GRIA4: variants seen among roughly 807,000 people sequenced by gnomAD.
GRIA4 encodes the protein glutamate ionotropic receptor AMPA type subunit 4.
A neutral mutation model predicts 104.0 loss-of-function variants in GRIA4; 34 were observed. That is an observed-to-expected ratio of 0.33 (90% CI 0.25 to 0.44). The LOEUF is 0.44. Ranked by LOEUF, GRIA4 falls within the 20% of genes least tolerant of loss-of-function variation. GRIA4 has a pLI of 1.00. For missense variants in GRIA4, 750 were observed against 1,096.5 expected (o/e 0.68, Z 4.46); for synonymous variants, 386 against 381.9 (o/e 1.01, Z -0.13).
chr11:105,773,527 T>C (rs1365897050), intron 4 of GRIA4, among the ~76,000 whole-genome samples: 1 of 151,830 alleles, frequency 6.6e-6, no homozygotes, highest in East Asian at 1.9e-4. Flanking sequence ...TATACAGGAG[T>C]ATCATTAGAA....
At chr11:105,704,102 A>T (rs955816263) in intron 3 of GRIA4, among the ~76,000 whole-genome samples, 5 of 152,074 alleles carry the variant, frequency 3.3e-5, no homozygotes, top group African/African-American at 1.2e-4. Context: ...TCTTCATTCA[A>T]TGAGGGCCTA....
At chr11:105,884,054 AG>A (rs1168531342) in intron 5 of GRIA4, among the ~76,000 whole-genome samples, 18 of 152,338 alleles carry the variant, frequency 1.2e-4, no homozygotes, top group Admixed American at 1.2e-3. Context: ...ATCATTAAAA[AG>A]TCAGGAAGCA....
chr11:105,888,078 C>T (rs541279389), intron 6 of GRIA4, among the ~76,000 whole-genome samples: 1 of 152,046 alleles, frequency 6.6e-6, no homozygotes, highest in Non-Finnish European at 1.5e-5. Context: ...TTATGAAATT[C>T]TTAAAGGTCT....
At chr11:105,955,373 G>A (rs1056092100) in intron 14 of GRIA4, among the ~76,000 whole-genome samples, 13 of 152,176 alleles carry the variant, frequency 8.5e-5, no homozygotes, top group East Asian at 1.9e-4. Flanking sequence ...AACATGTGGT[G>A]TTTTGTTTTC....
At chr11:105,641,136 G>A (rs1051708480) in intron 3 of GRIA4, among the ~76,000 whole-genome samples, 1 of 151,994 alleles carries the variant, frequency 6.6e-6, no homozygotes, top group African/African-American at 2.4e-5. Context: ...AAATAAAATA[G>A]AGCTTTCATT....
intron 4 of GRIA4, among the ~76,000 whole-genome samples, chr11:105,840,582 G>A (rs1944355353): frequency 6.6e-6 from 1 of 152,170 alleles, no homozygotes; most frequent in African/African-American, 2.4e-5. Flanking sequence ...TAATATTGGT[G>A]GCACAGTGCC....
chr11:105,729,087 C>T (rs1452834174), intron 3 of GRIA4, among the ~76,000 whole-genome samples: 2 of 151,586 alleles, frequency 1.3e-5, no homozygotes, highest in Non-Finnish European at 2.9e-5. Context: ...AAAAGACTAA[C>T]AAAATTGATA....
At chr11:105,954,377 A>G (rs1948531795) in intron 14 of GRIA4, among the ~76,000 whole-genome samples, 2 of 152,332 alleles carry the variant, frequency 1.3e-5, no homozygotes, top group South Asian at 4.1e-4. Context: ...TTACAAAATA[A>G]CTGAAAGCTT....
chr11:105,786,227 C>T (rs567919846), intron 4 of GRIA4, among the ~76,000 whole-genome samples: 2 of 149,800 alleles, frequency 1.3e-5, no homozygotes, highest in South Asian at 4.3e-4. Flanking sequence ...TGTAAAATAT[C>T]TATGCCCACA....
At chr11:105,964,089 CT>C (rs1208441600) in intron 14 of GRIA4, among the ~76,000 whole-genome samples, 1 of 151,904 alleles carries the variant, frequency 6.6e-6, no homozygotes, top group Non-Finnish European at 1.5e-5. Context: ...AAAACAATTC[CT>C]TTTTTCCCAG....
chr11:105,910,693 T>C (rs377496739), intron 10 of GRIA4, 148 bp downstream of exon 10: 49 of 572,746 alleles, frequency 8.6e-5, no homozygotes, highest in African/African-American at 7.5e-4. Context: ...AGGCTTTGAA[T>C]AGGTTCATCC....
intron 4 of GRIA4, among the ~76,000 whole-genome samples, chr11:105,774,862 A>G (rs1941381560): frequency 6.6e-6 from 1 of 152,150 alleles, no homozygotes; most frequent in Non-Finnish European, 1.5e-5. Context: ...CACATTATCA[A>G]TATATATTAG....
At chr11:105,839,394 C>A (rs913888260) in intron 4 of GRIA4, among the ~76,000 whole-genome samples, 15 of 151,162 alleles carry the variant, frequency 9.9e-5, no homozygotes, top group African/African-American at 3.6e-4. Flanking sequence ...TAATGAGCAC[C>A]AAGGAAATAC....
intron 6 of GRIA4, among the ~76,000 whole-genome samples, chr11:105,895,860 T>C (rs1274129170): frequency 6.6e-6 from 1 of 152,178 alleles, no homozygotes; most frequent in African/African-American, 2.4e-5. Flanking sequence ...GACTTTACTA[T>C]TGTGAATACT....
At chr11:105,949,004 AT>A (rs1948400012) in intron 14 of GRIA4, among the ~76,000 whole-genome samples, 1 of 152,156 alleles carries the variant, frequency 6.6e-6, no homozygotes, top group Non-Finnish European at 1.5e-5. Context: ...AGAGTATCAC[AT>A]TTCCCTTGAT....
At chr11:105,745,779 T>C (rs1939621646) in intron 3 of GRIA4, among the ~76,000 whole-genome samples, 1 of 152,190 alleles carries the variant, frequency 6.6e-6, no homozygotes, top group African/African-American at 2.4e-5. Context: ...CTTGTGGAGT[T>C]CAGTCTATAT....
At chr11:105,852,873 C>T (rs935892192) in intron 4 of GRIA4, among the ~76,000 whole-genome samples, 3 of 132,626 alleles carry the variant, frequency 2.3e-5, no homozygotes, top group East Asian at 2.2e-4. Flanking sequence ...AAAGAAAAGA[C>T]GAAAGTAACA....
intron 3 of GRIA4, among the ~76,000 whole-genome samples, chr11:105,693,627 A>G: frequency 6.6e-6 from 1 of 152,172 alleles, no homozygotes; most frequent in Non-Finnish European, 1.5e-5. Flanking sequence ...GCTGGTTTAC[A>G]TTTTTGATCA....
At chr11:105,856,758 C>T (rs1374683080) in intron 4 of GRIA4, among the ~76,000 whole-genome samples, 10 of 152,056 alleles carry the variant, frequency 6.6e-5, no homozygotes, top group Admixed American at 5.2e-4. Context: ...GTCATCTGAA[C>T]TAAATATGAA....
Sources: allele counts gnomAD v4.1 joint callset (sites outside exome capture counted in the v4.1 genomes callset), GRCh38; gene constraint gnomAD v4.1.1; transcripts MANE v1.5; gene names NCBI Gene and HGNC (gene_info 2026-07-23, HGNC 2026-07-21).